BMP6: variants seen among roughly 807,000 people sequenced by gnomAD.
BMP6 encodes the protein bone morphogenetic protein 6, also known as VG-1-R.
BMP6 carries 17 observed loss-of-function variants against 54.1 expected under a neutral mutation model. That is an observed-to-expected ratio of 0.31 (90% CI 0.22 to 0.47). The LOEUF is 0.47. Ranked by LOEUF, BMP6 falls within the 20% of genes least tolerant of loss-of-function variation. The pLI, the probability that BMP6 is intolerant of heterozygous loss-of-function variation, is 1.00. For synonymous variants in BMP6, 328 were observed against 291.2 expected (o/e 1.13, Z -1.28); for missense variants, 720 against 690.4 (o/e 1.04, Z -0.48).
intron 4 of BMP6, among the ~76,000 whole-genome samples, chr6:7,871,075 TTG>T (rs3031042): frequency 0.4 from 60,312 of 151,372 alleles, 12,516 homozygotes; most frequent in East Asian, 0.71. Flanking sequence ...ACAAATAGTT[TTG>T]TGTGTGTGTG....
intron 1 of BMP6, among the ~76,000 whole-genome samples, chr6:7,826,150 T>C (rs1048392647): frequency 3.9e-5 from 6 of 152,212 alleles, no homozygotes; most frequent in South Asian, 2.1e-4. Context: ...GGCTGTGTTA[T>C]GTGTCCTTCT....
At position 7,800,151 on chromosome 6, in the gene BMP6, T is replaced by A. The variant is rs553521213; in HGVS notation, c.665-44989T>A. On this transcript the variant is annotated intron_variant, in intron 1 of 6. Coordinates refer to ENST00000283147, the MANE Select transcript of BMP6 (RefSeq NM_001718.6). ...TAAAAGAAGCCACCCTGGCATATGA[T>A]TTCTTCCCTCCTCACATACCCACTT... Among the ~76,000 whole-genome samples the A allele has an allele frequency of 6.7e-4, 101 of 151,704 alleles. No individual in the cohort carries two copies. In the Middle Eastern group the frequency reaches 0.01, roughly 15 times the overall value.
chr6:7,828,382 T>C (rs1758734173), intron 1 of BMP6, among the ~76,000 whole-genome samples: 1 of 152,256 alleles, frequency 6.6e-6, no homozygotes, highest in African/African-American at 2.4e-5. Context: ...AGCGCACGGC[T>C]GTGCTCAGAG....
At chr6:7,743,274 C>T (rs1757297863) in intron 1 of BMP6, among the ~76,000 whole-genome samples, 1 of 152,128 alleles carries the variant, frequency 6.6e-6, no homozygotes, top group African/African-American at 2.4e-5. Flanking sequence ...TTTTGGGGGG[C>T]TGTATTTAGG....
At chr6:7,786,475 T>A (rs1168979613) in intron 1 of BMP6, among the ~76,000 whole-genome samples, 2 of 151,830 alleles carry the variant, frequency 1.3e-5, no homozygotes, top group East Asian at 3.8e-4. Context: ...TTTTTTTTTT[T>A]TTTTTTAAAT....
chr6:7,838,198 A>G (rs561779412), intron 1 of BMP6, among the ~76,000 whole-genome samples: 22 of 151,890 alleles, frequency 1.4e-4, no homozygotes, highest in Middle Eastern at 3.4e-3. Context: ...TTATTATAGT[A>G]TATTGTTGTA....
chr6:7,862,387 G>A lies in BMP6; in HGVS notation c.1093G>A (p.Val365Met). ...GCCCTTCATGGTGGCTTTCTTCAAAGTGAGTGAGGTGCACGTGCGCACCAC... is the reference window on the plus strand; with the variant it reads ...GCCCTTCATGGTGGCTTTCTTCAAAATGAGTGAGGTGCACGTGCGCACCAC... Reference protein sequence around the residue: ...KQPFMVAFFKVSEVHVRTTRS... With the variant: ...KQPFMVAFFKMSEVHVRTTRS... The change falls in exon 4 of 7, where the codon GTG becomes ATG. Residue 365 changes from valine to methionine, a missense_variant. Around this residue, in one of 3 missense-constraint regions of BMP6, gnomAD observed 650 missense variants for 556.3 expected, o/e 1.17. Coordinates refer to ENST00000283147, the MANE Select transcript of BMP6 (RefSeq NM_001718.6). 1 of 1,614,202 alleles carries A rather than the reference G, an allele frequency of 6.2e-7. No homozygotes were observed. Among genetic ancestry groups the A allele is most frequent in the Non-Finnish European group, 8.5e-7 (1 of 1,180,026 alleles).
chr6:7,794,380 AG>A (rs1327914449), intron 1 of BMP6, among the ~76,000 whole-genome samples: 1 of 152,172 alleles, frequency 6.6e-6, no homozygotes, highest in Non-Finnish European at 1.5e-5. Flanking sequence ...CCAAGGCAGG[AG>A]GATCCCTTGA....
intron 1 of BMP6, among the ~76,000 whole-genome samples, chr6:7,751,109 G>T (rs567752348): frequency 6.6e-6 from 1 of 152,174 alleles, no homozygotes; most frequent in African/African-American, 2.4e-5. Flanking sequence ...TGACCAAGTG[G>T]TATTGCCTCC....
At chr6:7,880,166 T>C (rs1241023428) in intron 6 of BMP6, 28 bp from the exon 7 acceptor site, 2 of 1,614,066 alleles carry the variant, frequency 1.2e-6, no homozygotes, top group East Asian at 2.2e-5. Context: ...ATTTCTAAGG[T>C]ACCTTCTCCC....
chr6:7,761,706 G>A (rs1757616260), intron 1 of BMP6, among the ~76,000 whole-genome samples: 1 of 152,128 alleles, frequency 6.6e-6, no homozygotes, highest in African/African-American at 2.4e-5. Context: ...CTCAAATGGT[G>A]GCTCCTTCAA....
intron 1 of BMP6, among the ~76,000 whole-genome samples, chr6:7,812,765 G>A (rs2113212743): frequency 6.6e-6 from 1 of 152,128 alleles, no homozygotes; most frequent in Non-Finnish European, 1.5e-5. Context: ...ATAAGTGCCT[G>A]TGGTGTATTT....
intron 2 of BMP6, among the ~76,000 whole-genome samples, chr6:7,858,540 A>G (rs1759283824): frequency 6.6e-6 from 1 of 151,902 alleles, no homozygotes; most frequent in Admixed American, 6.6e-5. Context: ...TGTCTGCTTC[A>G]TGACTCTACT....
intron 4 of BMP6, among the ~76,000 whole-genome samples, chr6:7,870,944 G>C (rs1759514696): frequency 6.6e-6 from 1 of 152,324 alleles, no homozygotes; most frequent in Admixed American, 6.5e-5. Flanking sequence ...TGGATCTTTA[G>C]AGTTCATCTC....
chr6:7,770,772 C>T (rs1226807619), intron 1 of BMP6, among the ~76,000 whole-genome samples: 1 of 152,232 alleles, frequency 6.6e-6, no homozygotes, highest in Non-Finnish European at 1.5e-5. Flanking sequence ...TCAGCAGTTA[C>T]ACCAGGTGAT....
intron 2 of BMP6, among the ~76,000 whole-genome samples, chr6:7,854,876 C>T (rs989240156): frequency 2.0e-5 from 3 of 152,150 alleles, no homozygotes; most frequent in African/African-American, 4.8e-5. Flanking sequence ...TAGAGTATAC[C>T]CCAGTGTATG....
At chr6:7,866,335 A>C (rs1759423387) in intron 4 of BMP6, among the ~76,000 whole-genome samples, 1 of 152,190 alleles carries the variant, frequency 6.6e-6, no homozygotes, top group Admixed American at 6.5e-5. Context: ...TCCATTTCTT[A>C]CCAGCCTGCT....
At chr6:7,857,126 C>CT (rs1364455871) in intron 2 of BMP6, among the ~76,000 whole-genome samples, 7 of 152,156 alleles carry the variant, frequency 4.6e-5, no homozygotes, top group Non-Finnish European at 1.0e-4. Context: ...GAGCATGTGC[C>CT]TTGGAGGCTG....
In BMP6 at chr6:7,819,342, A is replaced by T. The variant is rs138308831; in HGVS notation, c.665-25798A>T. Among the ~76,000 whole-genome samples the T allele has an allele frequency of 4.8e-3, 727 of 152,330 alleles. 10 individuals are homozygous for T. Among genetic ancestry groups the T allele is most frequent in the African/African-American group, 0.016 (677 of 41,572 alleles). On this transcript the variant is annotated intron_variant, in intron 1 of 6. Transcript: ENST00000283147. Reference sequence around the variant, plus strand: ...ATTGCATATATACTTCATTGTCTCCACAATGAGTTTGTGTAACTTGTAGGT... The same window carrying T: ...ATTGCATATATACTTCATTGTCTCCTCAATGAGTTTGTGTAACTTGTAGGT...
Sources: allele counts gnomAD v4.1 joint callset (sites outside exome capture counted in the v4.1 genomes callset), GRCh38; gene constraint gnomAD v4.1.1; regional missense constraint gnomAD v4.1.1; transcripts MANE v1.5; gene names NCBI Gene and HGNC (gene_info 2026-07-23, HGNC 2026-07-21).